The following CEP170 variants were observed in gnomAD, a reference collection of about 807,000 sequenced individuals.
The protein encoded by CEP170 is centrosomal protein of 170 kDa.
CEP170 carries 21 observed loss-of-function variants against 151.9 expected under a neutral mutation model. The ratio of observed to expected loss-of-function variants is 0.14; its 90% CI spans 0.10 to 0.20. The LOEUF (loss-of-function observed/expected upper bound fraction) is 0.20, where lower values mean the gene tolerates loss of function less well. Among genes scored for constraint, CEP170 ranks in the 10% least tolerant of loss-of-function variants. The pLI, the probability that CEP170 is intolerant of heterozygous loss-of-function variation, is 1.00. For missense variants in CEP170, 964 were observed against 1,892.9 expected (o/e 0.51, Z 9.11); for synonymous variants, 356 against 648.8 (o/e 0.55, Z 6.86).
chr1:243,227,973 A>T (rs939308236), intron 1 of CEP170, among the ~76,000 whole-genome samples: 1 of 152,176 alleles, frequency 6.6e-6, no homozygotes. Flanking sequence ...CTAGCTATTT[A>T]TCCCATGTCC....
chr1:243,157,665 C>G (rs546330044), intron 13 of CEP170, among the ~76,000 whole-genome samples: 1 of 152,140 alleles, frequency 6.6e-6, no homozygotes, highest in Non-Finnish European at 1.5e-5. Context: ...CCAGAAATTC[C>G]TCCACTCTAA....
chr1:243,194,367 AT>A (rs2148791465), intron 7 of CEP170, among the ~76,000 whole-genome samples: 1 of 152,054 alleles, frequency 6.6e-6, no homozygotes, highest in African/African-American at 2.4e-5. Context: ...TGCTATTGCT[AT>A]TGATATATAT....
chr1:243,140,372 G>C, intron 15 of CEP170: 1 of 339,060 alleles, frequency 2.9e-6, no homozygotes, highest in Non-Finnish European at 4.9e-6. Context: ...CCATGGATAA[G>C]ATTTTCTCCA....
chr1:243,132,015 G>T (rs2054479173), intron 17 of CEP170, among the ~76,000 whole-genome samples: 1 of 152,122 alleles, frequency 6.6e-6, no homozygotes, highest in South Asian at 2.1e-4. Context: ...CAACCTAAGG[G>T]GGTCATTTTC....
At chr1:243,222,861 G>A (rs2148995290) in intron 2 of CEP170, among the ~76,000 whole-genome samples, 1 of 152,270 alleles carries the variant, frequency 6.6e-6, no homozygotes, top group East Asian at 1.9e-4. Context: ...AGGAGCAGAA[G>A]CCTCCGCTAG....
intron 14 of CEP170, among the ~76,000 whole-genome samples, chr1:243,151,219 T>C (rs2057042630): frequency 6.6e-6 from 1 of 151,960 alleles, no homozygotes; most frequent in African/African-American, 2.4e-5. Context: ...GGTGTCAGTA[T>C]GACCAAAATA....
intron 1 of CEP170, among the ~76,000 whole-genome samples, chr1:243,242,175 C>A (rs2064911222): frequency 6.6e-6 from 1 of 152,106 alleles, no homozygotes; most frequent in African/African-American, 2.4e-5. Flanking sequence ...TTGGAATCGA[C>A]CCAATATCCA....
At position 243,185,964 on chromosome 1, in the gene CEP170, A is replaced by G. The variant is rs1572118022; in HGVS notation, c.1381T>C (p.Leu461=). The change falls in exon 10 of 20, where the codon TTA becomes CTA. Residue 461 remains leucine, a synonymous_variant. Coordinates refer to ENST00000366542, the MANE Select transcript of CEP170 (RefSeq NM_014812.3). This position sits in a 1 kb window ranked among gnomAD's most constrained non-coding sequence, Gnocchi z 4.9. ...TGCCCAAGACTCCCTGAACTTCTTA[A>G]TAATGCAGTTTGTAGGAAGGGTATT... ...VSIPFLQTAL[L]RSSGSLGHRP... 1 of 1,613,710 alleles carries G rather than the reference A, an allele frequency of 6.2e-7. No homozygotes were observed. The highest frequency in any genetic ancestry group is 8.5e-7 in the Non-Finnish European group (1 of 1,179,700).
In CEP170 at chr1:243,225,269, T is replaced by C. The variant is rs570334824; in HGVS notation, c.12A>G (p.Thr4=). Residue 4 remains threonine (T), a synonymous_variant, in exon 2 of 20, where the codon ACA becomes ACG. Coordinates refer to ENST00000366542, the MANE Select transcript of CEP170 (RefSeq NM_014812.3). ...CTCCACTGCTCACCAAAAACCAGGA[T>C]GTTAAGCTCATTTTCTGCTTAGCTT... MSL[T]SWFLVSSGGT... is the part of the protein sequence containing the mutation. The C allele has an allele frequency of 2.0e-5, 32 of 1,589,830 alleles. No homozygotes were observed. The East Asian group carries it at 6.2e-4, about 31-fold the overall frequency.
chr1:243,218,313 C>T (rs2148960801), intron 3 of CEP170, among the ~76,000 whole-genome samples: 1 of 152,338 alleles, frequency 6.6e-6, no homozygotes, highest in East Asian at 1.9e-4. Flanking sequence ...AAATGGCAGG[C>T]TTGCAATGGC....
chr1:243,244,719 C>T (rs2065198569), intron 1 of CEP170, among the ~76,000 whole-genome samples: 1 of 151,250 alleles, frequency 6.6e-6, no homozygotes, highest in African/African-American at 2.4e-5. Context: ...GCACTCCAGC[C>T]TGGAGGACAA....
At chr1:243,223,653 AGT>A (rs1265206356) in intron 2 of CEP170, among the ~76,000 whole-genome samples, 2 of 152,230 alleles carry the variant, frequency 1.3e-5, no homozygotes, top group Admixed American at 1.3e-4. Flanking sequence ...CACTGAGTCG[AGT>A]GAGATGCCAT....
intron 14 of CEP170, among the ~76,000 whole-genome samples, chr1:243,150,087 C>A (rs2056913724): frequency 6.6e-6 from 1 of 151,958 alleles, no homozygotes; most frequent in Non-Finnish European, 1.5e-5. Context: ...AGCTTTTTGT[C>A]TTACAATGCC....
At chr1:243,205,856 A>T (rs2061379112) in intron 4 of CEP170, among the ~76,000 whole-genome samples, 1 of 152,060 alleles carries the variant, frequency 6.6e-6, no homozygotes. Context: ...TCCAAATTGG[A>T]TTGAAACTAT....
intron 13 of CEP170, among the ~76,000 whole-genome samples, chr1:243,163,607 C>T (rs890613346): frequency 1.3e-5 from 2 of 152,222 alleles, no homozygotes; most frequent in African/African-American, 2.4e-5. Context: ...AGATAATGCT[C>T]ATAACCAGTT....
Position 243,191,298 on chromosome 1 carries a change from C to T in CEP170, c.828G>A (p.Gly276=), listed in dbSNP as rs368223938. ...CAAATTCAATGGTAAATGAAGCATG[C>T]CCTGCACCTGTTATATGGGAACTTG... ...DTPSSHITGA[G]HASFTIEFDD... Residue 276 remains glycine (G), a synonymous_variant, in exon 8 of 20, where the codon GGG becomes GGA. Transcript: ENST00000366542. The T allele has an allele frequency of 6.2e-7, 1 of 1,612,906 alleles. No homozygotes were observed. The highest frequency in any genetic ancestry group is 1.7e-5 in the Admixed American group (1 of 59,858).
chr1:243,134,017 A>G (rs2054734910), intron 17 of CEP170, among the ~76,000 whole-genome samples: 1 of 152,222 alleles, frequency 6.6e-6, no homozygotes, highest in Admixed American at 6.5e-5. Flanking sequence ...TAATATTGTT[A>G]TTATACTTTT....
intron 7 of CEP170, among the ~76,000 whole-genome samples, chr1:243,191,696 T>C (rs1260308041): frequency 2.0e-5 from 3 of 151,892 alleles, no homozygotes; most frequent in Admixed American, 6.6e-5. Flanking sequence ...TGATTACCAA[T>C]AGGGGATGGA....
At chr1:243,208,216 C>A (rs1219199188) in intron 4 of CEP170, among the ~76,000 whole-genome samples, 1 of 152,084 alleles carries the variant, frequency 6.6e-6, no homozygotes, top group Non-Finnish European at 1.5e-5. Context: ...TCACCCTGGT[C>A]CAAACCTCCT....
Sources: gnomAD v4.1 joint callset for allele counts (sites outside exome capture counted in the v4.1 genomes callset) on GRCh38, gnomAD v4.1.1 for gene constraint, Gnocchi (gnomAD v3.1) non-coding constraint, MANE v1.5 for transcripts, NCBI Gene and HGNC (gene_info 2026-07-23, HGNC 2026-07-21) for gene names.